The following SAP130 variants were observed in gnomAD, a reference collection of about 807,000 sequenced individuals.
SAP130 encodes the protein histone deacetylase complex subunit SAP130.
SAP130 carries 16 observed loss-of-function variants against 103.2 expected under a neutral mutation model. The ratio of observed to expected loss-of-function variants is 0.16; its 90% CI spans 0.10 to 0.24. The LOEUF is 0.24. Among genes scored for constraint, SAP130 ranks in the 10% least tolerant of loss-of-function variants. The probability of loss-of-function intolerance (pLI) is 1.00; values close to 1 mark genes in which losing one functional copy is unlikely to be tolerated. For synonymous variants in SAP130, 477 were observed against 497.0 expected (o/e 0.96, Z 0.53); for missense variants, 990 against 1,359.7 (o/e 0.73, Z 4.28).
At chr2:128,020,408 A>G (rs1421769444) in intron 2 of SAP130, among the ~76,000 whole-genome samples, 1 of 152,266 alleles carries the variant, frequency 6.6e-6, no homozygotes. Context: ...AAACAGACTT[A>G]TAACAAATAC....
intron 18 of SAP130, among the ~76,000 whole-genome samples, chr2:127,948,844 G>A (rs1023092730): frequency 8.5e-5 from 13 of 152,098 alleles, no homozygotes; most frequent in Admixed American, 7.9e-4. Flanking sequence ...TTTGAAGAGC[G>A]AGTCCCAATA....
At chr2:127,991,796 C>T (rs1021684133) in intron 12 of SAP130, among the ~76,000 whole-genome samples, 4 of 152,122 alleles carry the variant, frequency 2.6e-5, no homozygotes, top group African/African-American at 9.7e-5. Flanking sequence ...TTTTGCATTG[C>T]TAAGTTGTTC....
intron 15 of SAP130, among the ~76,000 whole-genome samples, chr2:127,975,765 A>G (rs1188603785): frequency 6.6e-6 from 1 of 152,214 alleles, no homozygotes; most frequent in Admixed American, 6.5e-5. Flanking sequence ...GTGTACCCAG[A>G]GTCCGAGGAG....
At chr2:127,999,339 C>A (rs981120301) in intron 10 of SAP130, among the ~76,000 whole-genome samples, 1 of 152,092 alleles carries the variant, frequency 6.6e-6, no homozygotes, top group Non-Finnish European at 1.5e-5. Context: ...CAGCTGAGTG[C>A]GGTGGCTCAT....
Position 127,954,051 on chromosome 2 carries a change from G to A in SAP130, c.2422+935C>T, listed in dbSNP as rs540363107. Among the ~76,000 whole-genome samples, 11 of 152,308 alleles carry A rather than the reference G, an allele frequency of 7.2e-5. No homozygotes were observed. The East Asian group carries it at 1.9e-3, about 27-fold the overall frequency. On this transcript the variant is annotated intron_variant, in intron 16 of 20. Coordinates refer to ENST00000643581, the MANE Select transcript of SAP130 (RefSeq NM_001330301.2). ...ATAGGTTGAGGTAGGATTACAGGCA[G>A]TTTCCTAGCACAGAGAGGTAAAGGG...
chr2:127,974,745 A>G (rs1573708702), intron 15 of SAP130, among the ~76,000 whole-genome samples: 1 of 152,206 alleles, frequency 6.6e-6, no homozygotes, highest in Non-Finnish European at 1.5e-5. Context: ...CATGGGAGGC[A>G]GAGGTTGTGG....
Position 128,017,840 on chromosome 2 carries a change from C to G in SAP130, c.188G>C (p.Arg63Pro). The G allele has an allele frequency of 6.2e-7, 1 of 1,614,172 alleles. No individual in the cohort carries two copies. Among genetic ancestry groups the G allele is most frequent in the Non-Finnish European group, 8.5e-7 (1 of 1,180,044 alleles). ...CACAACAGGCTCTTGCTTCTCCTCC[C>G]GGGACTGGAGGGAGCTGCTGGAACT... ...HMSSSSSLQS[R>P]EEKQEPVVVR... Residue 63 changes from arginine (R) to proline (P), a missense_variant, in exon 3 of 21, where the codon CGG (arginine) becomes CCG (proline). By Grantham distance (103) the Arg-to-Pro change is moderately radical. Around this residue, in one of 6 missense-constraint regions of SAP130, gnomAD observed 167 missense variants for 187.4 expected, o/e 0.89. Transcript: ENST00000643581.
rs575046085 is a variant in SAP130, at chr2:128,027,720, T to A, written c.-7+220A>T. ...CCCCACGCCCGGGTCAGCCCACCCC[T>A]CCCGGTGCCTCTCCCTTCCTCGCCA... On this transcript the variant is annotated intron_variant, in intron 1 of 20. Coordinates refer to ENST00000643581, the MANE Select transcript of SAP130 (RefSeq NM_001330301.2). Among the ~76,000 whole-genome samples, 391 of 120,406 alleles carry A rather than the reference T, an allele frequency of 3.2e-3. 1 individual carries two copies. Among genetic ancestry groups the A allele is most frequent in the African/African-American group, 0.012 (371 of 31,394 alleles). 79.0% of individuals were successfully genotyped at this position (120,406 alleles called of 152,430 possible).
At chr2:127,950,503 GCA>G in intron 16 of SAP130, 95 bp from the exon 17 acceptor site, 1 of 1,367,646 alleles carries the variant, frequency 7.3e-7, no homozygotes, top group South Asian at 1.3e-5. Context: ...TAAGAAGACA[GCA>G]CAGAGCACCA....
At chr2:127,958,908 C>T (rs1680038535) in intron 15 of SAP130, among the ~76,000 whole-genome samples, 1 of 152,134 alleles carries the variant, frequency 6.6e-6, no homozygotes, top group Non-Finnish European at 1.5e-5. Context: ...ATCTGCCTGC[C>T]TTGGTCTCCT....
intron 10 of SAP130, 49 bp downstream of exon 10, chr2:127,999,692 G>A: frequency 1.8e-6 from 2 of 1,086,856 alleles, no homozygotes; most frequent in Non-Finnish European, 1.3e-6. Context: ...AGTCTGAGGG[G>A]TTACAGCACT....
Position 127,950,006 on chromosome 2 carries a change from A to G in SAP130, c.2672-12T>C, listed in dbSNP as rs1679382225. On this transcript the variant is annotated splice_polypyrimidine_tract_variant and intron_variant, in intron 17 of 20. Transcript: ENST00000643581. ...CACACCTTCCTCATCTGTTAAAGAG[A>G]AGACATTAAACAACTTAGTAACACT... 1.2e-6 allele frequency: 2 copies of G among 1,613,664 alleles called. No individual in the cohort carries two copies. The highest frequency in any genetic ancestry group is 1.7e-6 in the Non-Finnish European group (2 of 1,179,768).
intron 11 of SAP130, among the ~76,000 whole-genome samples, chr2:127,993,601 A>G (rs1158756849): frequency 6.6e-6 from 1 of 152,200 alleles, no homozygotes; most frequent in Non-Finnish European, 1.5e-5. Context: ...CTCAGTAATC[A>G]AATCTTCCCT....
At chr2:127,958,099 G>A (rs1225216727) in intron 15 of SAP130, among the ~76,000 whole-genome samples, 1 of 152,200 alleles carries the variant, frequency 6.6e-6, no homozygotes. Context: ...TGCATGTTCT[G>A]CACATGTATC....
At chr2:128,005,900 G>C (rs1020065573) in intron 7 of SAP130, among the ~76,000 whole-genome samples, 1 of 152,092 alleles carries the variant, frequency 6.6e-6, no homozygotes, top group Non-Finnish European at 1.5e-5. Context: ...AGAGTGCTGG[G>C]ATTAGAGGCA....
rs369823159 is a variant in SAP130 at position 127,993,295 on chromosome 2, C to T, written c.1369G>A (p.Val457Ile). The change falls in exon 12 of 21, where the codon GTT (valine) becomes ATT (isoleucine). Residue 457 changes from valine (V) to isoleucine (I), a missense_variant. Val to Ile is a conservative substitution (Grantham distance 29). Around this residue, in one of 6 missense-constraint regions of SAP130, gnomAD observed 336 missense variants for 520.1 expected, o/e 0.65. Coordinates refer to ENST00000643581, the MANE Select transcript of SAP130 (RefSeq NM_001330301.2). ...TRSDNRPSVP[V>I]QFQYFLPTYP... ...GTTGGCAAAAAATATTGGAACTGAA[C>T]GGGAACAGACGGTCTAGAGACAGAA... 1.2e-6 allele frequency: 2 copies of T among 1,612,188 alleles called. No individual in the cohort carries two copies. Among genetic ancestry groups the T allele is most frequent in the Non-Finnish European group, 1.7e-6 (2 of 1,179,474 alleles).
intron 2 of SAP130, among the ~76,000 whole-genome samples, chr2:128,018,684 T>C (rs973906222): frequency 2.6e-5 from 4 of 151,692 alleles, no homozygotes; most frequent in African/African-American, 7.3e-5. Flanking sequence ...CCCAGCTATA[T>C]TGGAGGCAGA....
chr2:127,962,352 A>G (rs906138929), intron 15 of SAP130, among the ~76,000 whole-genome samples: 2 of 152,166 alleles, frequency 1.3e-5, no homozygotes, highest in African/African-American at 4.8e-5. Context: ...TAGAAATACC[A>G]TTTGACCCAG....
intron 13 of SAP130, among the ~76,000 whole-genome samples, chr2:127,988,925 A>G (rs1487650301): frequency 1.3e-5 from 2 of 152,212 alleles, no homozygotes; most frequent in African/African-American, 2.4e-5. Context: ...TTAAGAATTC[A>G]TAATATTAGC....
Sources: gnomAD v4.1 joint callset for allele counts (sites outside exome capture counted in the v4.1 genomes callset) on GRCh38, gnomAD v4.1.1 for gene constraint, gnomAD v4.1.1 regional missense constraint, MANE v1.5 for transcripts, NCBI Gene and HGNC (gene_info 2026-07-23, HGNC 2026-07-21) for gene names.